ROR1: variants seen among roughly 807,000 people sequenced by gnomAD.
The protein encoded by ROR1 is inactive tyrosine-protein kinase transmembrane receptor ROR1.
A neutral mutation model predicts 78.8 loss-of-function variants in ROR1; 19 were observed. The observed-to-expected ratio is 0.24, with a 90% confidence interval of 0.17 to 0.35. The LOEUF (loss-of-function observed/expected upper bound fraction) is 0.35. ROR1 is among the 10% of genes least tolerant of loss of function. ROR1 has a pLI of 1.00. For missense variants in ROR1, 917 were observed against 1,177.8 expected (o/e 0.78, Z 3.24); for synonymous variants, 386 against 433.6 (o/e 0.89, Z 1.36).
chr1:63,855,411 C>T (rs1418589033), intron 1 of ROR1, among the ~76,000 whole-genome samples: 2 of 152,196 alleles, frequency 1.3e-5, no homozygotes, highest in Non-Finnish European at 2.9e-5. Context: ...ATTCGCTCCT[C>T]TCCTTTGGGG....
At chr1:63,839,791 T>TA in intron 1 of ROR1, among the ~76,000 whole-genome samples, 1 of 152,198 alleles carries the variant, frequency 6.6e-6, no homozygotes, top group Non-Finnish European at 1.5e-5. Flanking sequence ...TCTTTATAGA[T>TA]ATTGTTTTTC....
rs1273778828 is a variant in ROR1, at chr1:63,932,580, G to T, written c.92-76725G>T. Among the ~76,000 whole-genome samples the T allele has an allele frequency of 2.0e-5, 3 of 152,116 alleles. No individual in the cohort carries two copies. In the East Asian group the frequency reaches 5.8e-4, roughly 29 times the overall value. ...CCAAGGAAGAATGATGCCCCTGATG[G>T]TTCTTCCCATTTAGAAGGAACTGCA... On this transcript the variant is annotated intron_variant, in intron 1 of 8. Coordinates refer to ENST00000371079, the MANE Select transcript of ROR1 (RefSeq NM_005012.4).
chr1:63,798,967 G>A (rs148954587), intron 1 of ROR1, among the ~76,000 whole-genome samples: 239 of 152,242 alleles, frequency 1.6e-3, no homozygotes, highest in African/African-American at 5.3e-3. Flanking sequence ...GGGGCTTAAC[G>A]TCAATTTCCC....
intron 1 of ROR1, among the ~76,000 whole-genome samples, chr1:63,779,834 A>C (rs1644640432): frequency 6.6e-6 from 1 of 152,012 alleles, no homozygotes; most frequent in African/African-American, 2.4e-5. Context: ...CACCCCCCAG[A>C]ACACCCAGGC....
intron 1 of ROR1, among the ~76,000 whole-genome samples, chr1:63,841,947 C>T (rs1645052172): frequency 6.6e-6 from 1 of 152,152 alleles, no homozygotes. Flanking sequence ...GTCTCATAGG[C>T]CTCCAAACTG....
At chr1:63,947,679 C>T (rs989721614) in intron 1 of ROR1, among the ~76,000 whole-genome samples, 6 of 152,126 alleles carry the variant, frequency 3.9e-5, no homozygotes, top group Admixed American at 1.3e-4. Context: ...AGAAGACCTT[C>T]CTGGGGGCTA....
At chr1:64,137,325 T>G (rs753444722) in intron 4 of ROR1, 44 bp from the exon 5 acceptor site, 12 of 1,610,942 alleles carry the variant, frequency 7.4e-6, no homozygotes, top group South Asian at 1.1e-5. Flanking sequence ...GTGCCCTGTA[T>G]GTATGTGGTG....
chr1:63,841,054 A>G (rs1268383677), intron 1 of ROR1, among the ~76,000 whole-genome samples: 2 of 152,168 alleles, frequency 1.3e-5, no homozygotes, highest in African/African-American at 4.8e-5. Flanking sequence ...TTCTTCCCCA[A>G]CTAGTTTATC....
chr1:63,969,993 T>A (rs1194206874), intron 1 of ROR1, among the ~76,000 whole-genome samples: 2 of 152,204 alleles, frequency 1.3e-5, no homozygotes, highest in East Asian at 3.9e-4. Flanking sequence ...CTTTCTTTTA[T>A]CCATATCATA....
At chr1:64,111,540 A>C (rs1382724048) in intron 4 of ROR1, among the ~76,000 whole-genome samples, 2 of 152,202 alleles carry the variant, frequency 1.3e-5, no homozygotes, top group African/African-American at 4.8e-5. Context: ...GTCCCCAGCA[A>C]GCTGACCACA....
chr1:63,971,535 TC>T (rs1646119862), intron 1 of ROR1, among the ~76,000 whole-genome samples: 1 of 152,204 alleles, frequency 6.6e-6, no homozygotes, highest in Admixed American at 6.5e-5. Context: ...ACCTACCAGT[TC>T]TTTCATCTCA....
At chr1:63,961,740 C>T (rs764197288) in intron 1 of ROR1, among the ~76,000 whole-genome samples, 7 of 151,962 alleles carry the variant, frequency 4.6e-5, no homozygotes, top group African/African-American at 9.7e-5. Context: ...TATGAAATTA[C>T]GGTTAGATAG....
intron 1 of ROR1, among the ~76,000 whole-genome samples, chr1:63,984,685 T>C (rs745361520): frequency 6.6e-5 from 10 of 152,218 alleles, no homozygotes; most frequent in Non-Finnish European, 1.3e-4. Context: ...TGCCTGGGAA[T>C]GCAGTCTCCT....
chr1:64,011,562 A>G (rs758848404), intron 2 of ROR1, among the ~76,000 whole-genome samples: 1 of 152,188 alleles, frequency 6.6e-6, no homozygotes, highest in Non-Finnish European at 1.5e-5. Context: ...TTTCTACCAG[A>G]CCAGCACTGT....
chr1:63,978,656 T>C (rs1557592705), intron 1 of ROR1, among the ~76,000 whole-genome samples: 1 of 152,332 alleles, frequency 6.6e-6, no homozygotes, highest in East Asian at 1.9e-4. Context: ...TCTGGTTATA[T>C]AAATCAAAGA....
chr1:63,781,452 C>T (rs1438174854), intron 1 of ROR1, among the ~76,000 whole-genome samples: 1 of 152,124 alleles, frequency 6.6e-6, no homozygotes, highest in African/African-American at 2.4e-5. Flanking sequence ...GGTATTTTGA[C>T]TCTCAGATGT....
At chr1:63,930,605 G>A (rs1261242815) in intron 1 of ROR1, among the ~76,000 whole-genome samples, 3 of 152,132 alleles carry the variant, frequency 2.0e-5, no homozygotes, top group Non-Finnish European at 2.9e-5. Flanking sequence ...ACCTAGGTAC[G>A]ACTCCTCTTG....
intron 4 of ROR1, among the ~76,000 whole-genome samples, chr1:64,116,175 A>G (rs1320477528): frequency 6.6e-6 from 1 of 152,200 alleles, no homozygotes; most frequent in Admixed American, 6.5e-5. Context: ...AAGTTAATCC[A>G]TGCTCTTCTA....
chr1:64,074,997 C>T (rs1569689366), intron 4 of ROR1, among the ~76,000 whole-genome samples: 1 of 152,060 alleles, frequency 6.6e-6, no homozygotes, highest in East Asian at 1.9e-4. Context: ...ATTAGTGTTC[C>T]CGAGGCACTG....
Sources: allele counts gnomAD v4.1 joint callset (sites outside exome capture counted in the v4.1 genomes callset), GRCh38; gene constraint gnomAD v4.1.1; transcripts MANE v1.5; gene names NCBI Gene and HGNC (gene_info 2026-07-23, HGNC 2026-07-21).